Variants in PLEKHA5 observed in about 807,000 individuals in gnomAD.
The protein encoded by PLEKHA5 is pleckstrin homology domain-containing family A member 5.
PLEKHA5 carries 55 observed loss-of-function variants against 181.9 expected under a neutral mutation model. The observed-to-expected ratio is 0.30, with a 90% CI of 0.24 to 0.38. The LOEUF (loss-of-function observed/expected upper bound fraction) is 0.38, where lower values mean the gene tolerates loss of function less well. PLEKHA5 is among the 10% of genes least tolerant of loss of function. PLEKHA5 has a pLI of 1.00. For missense variants in PLEKHA5, 1,432 were observed against 1,549.5 expected, an observed-to-expected ratio of 0.92 and a Z score of 1.27; for synonymous variants, 535 against 529.4, an observed-to-expected ratio of 1.01 and a Z score of -0.15.
chr12:19,239,594 G>A (rs1038683000), intron 3 of PLEKHA5, among the ~76,000 whole-genome samples: 1 of 152,054 alleles, frequency 6.6e-6, no homozygotes, highest in Non-Finnish European at 1.5e-5. Context: ...ATATTATTTT[G>A]GAATTGAAGT....
At chr12:19,287,424 G>GA (rs200910877) in intron 12 of PLEKHA5, 49 bp from the exon 13 acceptor site, 27,167 of 887,968 alleles carry the variant, frequency 0.031, 1 homozygote, top group Non-Finnish European at 0.035. Context: ...ACATTGATAA[G>GA]AAAAAAAAAA....
intron 3 of PLEKHA5, chr12:19,205,295 G>A (rs1020843561): frequency 2.8e-6 from 2 of 720,158 alleles, no homozygotes; most frequent in African/African-American, 3.9e-5. Flanking sequence ...ACTGCGGTGT[G>A]GTTCAGTTTT....
chr12:19,209,239 C>A (rs1235626163), intron 3 of PLEKHA5, among the ~76,000 whole-genome samples: 2 of 152,064 alleles, frequency 1.3e-5, no homozygotes, highest in Non-Finnish European at 2.9e-5. Flanking sequence ...ATGGTGAAAT[C>A]ATTGATGATT....
chr12:19,168,635 C>T (rs1309782505), intron 3 of PLEKHA5, among the ~76,000 whole-genome samples: 1 of 152,156 alleles, frequency 6.6e-6, no homozygotes, highest in Non-Finnish European at 1.5e-5. Context: ...CATATATACA[C>T]CTGCAACATA....
chr12:19,283,240 C>CGG, intron 11 of PLEKHA5, 40 bp from the exon 12 acceptor site: 3 of 1,228,740 alleles, frequency 2.4e-6, no homozygotes, highest in Non-Finnish European at 3.4e-6. Context: ...GGAAAATAAC[C>CGG]CTCCTTCATG....
intron 3 of PLEKHA5, among the ~76,000 whole-genome samples, chr12:19,237,998 T>C (rs1250201637): frequency 6.6e-6 from 1 of 152,026 alleles, no homozygotes; most frequent in Non-Finnish European, 1.5e-5. Context: ...AGTCTTACAT[T>C]TTGCTATTTC....
At chr12:19,146,499 G>C (rs996079341) in intron 3 of PLEKHA5, among the ~76,000 whole-genome samples, 5 of 152,082 alleles carry the variant, frequency 3.3e-5, no homozygotes, top group African/African-American at 1.2e-4. Context: ...AAAAGTTTTT[G>C]AGTATATACC....
intron 3 of PLEKHA5, chr12:19,243,512 A>C (rs1179997525): frequency 6.6e-6 from 1 of 152,154 alleles, no homozygotes; most frequent in East Asian, 1.9e-4. Context: ...GCTGGAGGTG[A>C]GGTTGAGTGA....
At chr12:19,186,082 C>T (rs547143164) in intron 3 of PLEKHA5, among the ~76,000 whole-genome samples, 10 of 152,246 alleles carry the variant, frequency 6.6e-5, no homozygotes, top group South Asian at 2.1e-4. Flanking sequence ...ATAGATACAA[C>T]GTAATTTGCC....
rs533368429 is a variant in PLEKHA5, at chr12:19,335,223, G to T, written c.2449-1292G>T. Among the ~76,000 whole-genome samples, 8 of 151,062 alleles carry T rather than the reference G, an allele frequency of 5.3e-5. No individual in the cohort carries two copies. The South Asian group carries it at 1.5e-3, about 28-fold the overall frequency. On this transcript the variant is annotated intron_variant, in intron 20 of 31. Transcript: ENST00000429027. ...ATTTTTGTATTTTTTCGTAGAGATG[G>T]GGTCTCTCTATGTTGCCCAGGCTGG...
chr12:19,166,016 T>C (rs1463984428), intron 3 of PLEKHA5, among the ~76,000 whole-genome samples: 2 of 152,320 alleles, frequency 1.3e-5, no homozygotes, highest in African/African-American at 4.8e-5. Context: ...TTTCATTTTA[T>C]AGATGGCAAC....
chr12:19,222,660 GTGTAAA>G (rs1283539063), intron 3 of PLEKHA5, among the ~76,000 whole-genome samples: 1 of 152,166 alleles, frequency 6.6e-6, no homozygotes, highest in Admixed American at 6.5e-5. Context: ...CCACAGGGAT[GTGTAAA>G]TGATTTTTGA....
At chr12:19,327,247 GT>G (rs55983306) in intron 20 of PLEKHA5, among the ~76,000 whole-genome samples, 321 of 138,516 alleles carry the variant, frequency 2.3e-3, no homozygotes, top group Middle Eastern at 3.8e-3. Flanking sequence ...ATCTGTTTTT[GT>G]TTTTTTTTTT....
intron 15 of PLEKHA5, among the ~76,000 whole-genome samples, chr12:19,310,623 A>G (rs1298644520): frequency 6.6e-6 from 1 of 151,302 alleles, no homozygotes; most frequent in Non-Finnish European, 1.5e-5. Context: ...AAAAAAAAAA[A>G]AAAAGAATGC....
intron 8 of PLEKHA5, among the ~76,000 whole-genome samples, chr12:19,266,678 A>G (rs1282145367): frequency 6.6e-6 from 1 of 151,684 alleles, no homozygotes; most frequent in Non-Finnish European, 1.5e-5. Context: ...CAGCTACAGA[A>G]AAGGCTCAGG....
intron 3 of PLEKHA5, among the ~76,000 whole-genome samples, chr12:19,245,474 C>T (rs1835321): frequency 0.55 from 83,154 of 151,626 alleles, 26,759 homozygotes; most frequent in Non-Finnish European, 0.74. Context: ...AGAAAGATGG[C>T]CAGGGAGATT....
intron 3 of PLEKHA5, chr12:19,200,638 C>G (rs142981330): frequency 5.5e-6 from 6 of 1,096,728 alleles, no homozygotes; most frequent in Middle Eastern, 4.0e-4. Context: ...CCTCTTCAAT[C>G]CAAATCTGTC....
In PLEKHA5 at chr12:19,314,832, A is replaced by G. The variant is rs555023689; in HGVS notation, c.2056A>G (p.Ile686Val). The change falls in exon 16 of 32, where the codon ATT becomes GTT. Residue 686 changes from isoleucine (I) to valine (V), a missense_variant. Physicochemically the swap from Ile to Val is conservative, Grantham distance 29 (BLOSUM62 3). Transcript: ENST00000429027. ...LDHQMKENEPIITMVHTMIEN... is the reference protein window; with the variant it reads ...LDHQMKENEPVITMVHTMIEN... ...GAAATAGATGAAAGAAAATGAACCT[A>G]TTATCACCATGGTTCACACAATGAT... 4.8e-5 allele frequency: 74 copies of G among 1,542,980 alleles called. No homozygotes were observed. Among genetic ancestry groups the G allele is most frequent in the Admixed American group, 2.9e-4 (15 of 50,962 alleles).
intron 25 of PLEKHA5, among the ~76,000 whole-genome samples, chr12:19,349,061 T>C (rs2094465432): frequency 6.6e-6 from 1 of 150,388 alleles, no homozygotes; most frequent in Non-Finnish European, 1.5e-5. Flanking sequence ...AGTTTTCTTT[T>C]TTTTTTTTTC....
Sources: allele counts gnomAD v4.1 joint callset (sites outside exome capture counted in the v4.1 genomes callset), GRCh38; gene constraint gnomAD v4.1.1; transcripts MANE v1.5; gene names NCBI Gene and HGNC (gene_info 2026-07-23, HGNC 2026-07-21).